ANKRD30B: variants seen among roughly 807,000 people sequenced by gnomAD.
The protein encoded by ANKRD30B is ankyrin repeat domain 30B, also known as ankyrin repeat domain-containing protein 30B.
In ANKRD30B, 144 loss-of-function variants were observed where a neutral mutation model predicts 202.2. The ratio of observed to expected loss-of-function variants is 0.71; its 90% CI spans 0.62 to 0.82. ANKRD30B has a LOEUF of 0.82. ANKRD30B is among the 40% of genes least tolerant of loss of function. The pLI, the probability that ANKRD30B is intolerant of heterozygous loss-of-function variation, is 0.00. For missense variants in ANKRD30B, 1,487 were observed against 1,669.1 expected (o/e 0.89, Z 1.90); for synonymous variants, 508 against 561.3 (o/e 0.91, Z 1.34).
At chr18:14,765,462 GAAA>G (rs56315734) in intron 7 of ANKRD30B, among the ~76,000 whole-genome samples, 1 of 143,764 alleles carries the variant, frequency 7.0e-6, no homozygotes. Flanking sequence ...CACTCCATCT[GAAA>G]AAAAAAAAAG....
chr18:14,820,399 G>T (rs1463483693), intron 30 of ANKRD30B, among the ~76,000 whole-genome samples: 3 of 152,158 alleles, frequency 2.0e-5, no homozygotes, highest in Admixed American at 2.0e-4. Context: ...CCAACACTAT[G>T]TTGAACAGGA....
chr18:14,884,741 A>G, the ANKRD30B span, among the ~76,000 whole-genome samples: 1 of 152,144 alleles, frequency 6.6e-6, no homozygotes, highest in East Asian at 1.9e-4. Flanking sequence ...GAATGGAGAA[A>G]TCAGATGTTA....
At chr18:14,867,737 T>G in the ANKRD30B span, among the ~76,000 whole-genome samples, 1 of 152,084 alleles carries the variant, frequency 6.6e-6, no homozygotes, top group African/African-American at 2.4e-5. Flanking sequence ...GGCACTGTGG[T>G]GTCTCCAGTC....
intron 30 of ANKRD30B, among the ~76,000 whole-genome samples, chr18:14,818,901 G>A (rs1443794317): frequency 6.6e-6 from 1 of 151,682 alleles, no homozygotes; most frequent in African/African-American, 2.4e-5. Context: ...TGGGTCAAAT[G>A]GTATTTCCAG....
chr18:14,795,972 T>C (rs530938436), intron 16 of ANKRD30B, among the ~76,000 whole-genome samples: 2 of 152,264 alleles, frequency 1.3e-5, no homozygotes, highest in South Asian at 2.1e-4. Context: ...TTATTGTCAG[T>C]TGAAATATAT....
chr18:14,860,032 A>C, the ANKRD30B span, among the ~76,000 whole-genome samples: 15 of 93,544 alleles, frequency 1.6e-4, no homozygotes, highest in South Asian at 8.5e-4. Context: ...CGCTCCTCAC[A>C]ACCCAGACAG....
intron 34 of ANKRD30B, 135 bp from the exon 35 acceptor site, chr18:14,837,076 T>A: frequency 1.7e-6 from 1 of 589,820 alleles, no homozygotes. Context: ...TGCCTATGAT[T>A]TGACAGATAC....
the ANKRD30B span, among the ~76,000 whole-genome samples, chr18:14,932,941 GA>G: frequency 8.6e-5 from 13 of 151,920 alleles, no homozygotes; most frequent in Non-Finnish European, 1.8e-4. Flanking sequence ...TTTTTGGAGG[GA>G]AAAAAATACA....
rs201576383 is a variant in ANKRD30B at position 14,809,991 on chromosome 18, C to T, written c.2392C>T (p.Pro798Ser). Reference sequence around the variant, plus strand: ...ATATGTCCCTTTTCTTTTAGAGTCTCCTGATAAAGATGGTCTTCTGAAGGT... The same window carrying T: ...ATATGTCCCTTTTCTTTTAGAGTCTTCTGATAAAGATGGTCTTCTGAAGGT... ...KDRETLKAES[P>S]DKDGLLKPTC... Residue 798 changes from proline (P) to serine (S), a missense_variant, in exon 27 of 44, where the codon CCT (proline) becomes TCT (serine). Physicochemically the swap from Pro to Ser is moderately conservative, Grantham distance 74. Transcript: ENST00000690538. 1,045 of 1,424,174 alleles carry T rather than the reference C, an allele frequency of 7.3e-4. 32 individuals carry two copies. In the African/African-American group the frequency reaches 9.2e-3, roughly 13 times the overall value. 88.2% of individuals were successfully genotyped at this position (1,424,174 alleles called of 1,614,324 possible).
intron 15 of ANKRD30B, among the ~76,000 whole-genome samples, 182 bp from the exon 16 acceptor site, chr18:14,791,219 T>C (rs914282353): frequency 6.6e-6 from 1 of 152,322 alleles, no homozygotes; most frequent in South Asian, 2.1e-4. Context: ...TTTGTATTTC[T>C]GTGGGATTGA....
intron 20 of ANKRD30B, among the ~76,000 whole-genome samples, chr18:14,798,572 C>G (rs755291991): frequency 1.3e-5 from 2 of 151,838 alleles, no homozygotes; most frequent in African/African-American, 4.9e-5. Context: ...TATGCCTTAA[C>G]CCTAAAGAGG....
At chr18:14,799,016 C>A in intron 20 of ANKRD30B, 85 bp from the exon 21 acceptor site, 1 of 1,287,786 alleles carries the variant, frequency 7.8e-7, no homozygotes, top group Non-Finnish European at 1.1e-6. Context: ...CATGAGGATT[C>A]GTCTTCATAT....
chr18:14,834,667 A>C (rs1263935746), intron 34 of ANKRD30B, among the ~76,000 whole-genome samples: 4 of 151,958 alleles, frequency 2.6e-5, no homozygotes, highest in Non-Finnish European at 5.9e-5. Flanking sequence ...TAAAATACCT[A>C]GTAGAGAATA....
intron 35 of ANKRD30B, 124 bp downstream of exon 35, chr18:14,837,413 G>A (rs565288134): frequency 1.3e-5 from 12 of 928,664 alleles, no homozygotes; most frequent in Non-Finnish European, 1.6e-5. Context: ...AAAATACAAT[G>A]TCTACTTAAA....
At chr18:14,895,897 G>A in the ANKRD30B span, among the ~76,000 whole-genome samples, 5 of 151,892 alleles carry the variant, frequency 3.3e-5, no homozygotes, top group East Asian at 5.8e-4. Context: ...CTGAATCACA[G>A]GGGATTTTTA....
intron 7 of ANKRD30B, among the ~76,000 whole-genome samples, chr18:14,768,825 G>A (rs1327288916): frequency 6.6e-6 from 1 of 152,082 alleles, no homozygotes; most frequent in Non-Finnish European, 1.5e-5. Context: ...CACTAATTCT[G>A]ATAATAATAC....
At chr18:14,859,103 G>C (rs1466678061), downstream of ANKRD30B, among the ~76,000 whole-genome samples, 1 of 138,320 alleles carries the variant, frequency 7.2e-6, no homozygotes, top group Non-Finnish European at 1.6e-5. Flanking sequence ...TAGATGGGGT[G>C]GCCGGGCAGA....
At chr18:14,894,788 C>T in the ANKRD30B span, among the ~76,000 whole-genome samples, 9 of 150,782 alleles carry the variant, frequency 6.0e-5, no homozygotes, top group African/African-American at 2.0e-4. Context: ...ATTCATTTTA[C>T]GTCACTAAAA....
chr18:14,918,717 G>A, the ANKRD30B span, among the ~76,000 whole-genome samples: 2 of 152,278 alleles, frequency 1.3e-5, no homozygotes, highest in East Asian at 3.9e-4. Flanking sequence ...TGAAGACTAT[G>A]GTCTCATGAT....
Sources: gnomAD v4.1 joint callset for allele counts (sites outside exome capture counted in the v4.1 genomes callset) on GRCh38, gnomAD v4.1.1 for gene constraint, MANE v1.5 for transcripts, NCBI Gene and HGNC (gene_info 2026-07-23, HGNC 2026-07-21) for gene names.